The following RIOK2 variants were observed in gnomAD, a reference collection of about 807,000 sequenced individuals.
The protein encoded by RIOK2 is serine/threonine-protein kinase RIO2.
Under a neutral mutation model 62.4 loss-of-function variants are expected in RIOK2, and 46 were observed. That is an observed-to-expected ratio of 0.74 (90% CI 0.58 to 0.94). The LOEUF (loss-of-function observed/expected upper bound fraction) is 0.94, where lower values mean the gene tolerates loss of function less well. Ranked by LOEUF, RIOK2 falls within the 40% of genes least tolerant of loss-of-function variation. RIOK2 has a pLI of 0.00. For synonymous variants in RIOK2, 197 were observed against 216.0 expected (o/e 0.91, Z 0.77); for missense variants, 574 against 658.0 (o/e 0.87, Z 1.40).
At chr5:97,181,014 C>T (rs1416901205) in intron 1 of RIOK2, among the ~76,000 whole-genome samples, 4 of 152,024 alleles carry the variant, frequency 2.6e-5, no homozygotes, top group Non-Finnish European at 5.9e-5. Context: ...TGGCTCACAC[C>T]TGTAATCCCA....
rs1478552411 is a variant in RIOK2, at chr5:97,177,217, G to A, written c.397C>T (p.Arg133Ter). Residue 133 changes from arginine to a stop codon, truncating the protein, a stop_gained, in exon 4 of 10, where the codon CGA becomes TGA. Coordinates refer to ENST00000283109, the MANE Select transcript of RIOK2 (RefSeq NM_018343.3). LOFTEE classifies it high-confidence loss of function. ...KLHRLGRTSF[R>*]NLKNKRDYHK... ...TAATCGCGTTTGTTTTTCAAATTTC[G>A]AAACGAGGTTCTTCCTAGTCTGTGA... The A allele has an allele frequency of 3.7e-6, 6 of 1,613,382 alleles. No homozygotes were observed. Among genetic ancestry groups the A allele is most frequent in the African/African-American group, 2.7e-5 (2 of 74,878 alleles).
At position 97,167,755 on chromosome 5, in the gene RIOK2, G is replaced by A. The variant is rs1030769135; in HGVS notation, c.1109C>T (p.Ser370Phe). 7.4e-6 allele frequency: 12 copies of A among 1,614,142 alleles called. No individual in the cohort carries two copies. The highest frequency in any genetic ancestry group is 9.3e-6 in the Non-Finnish European group (11 of 1,180,014). Residue 370 changes from serine to phenylalanine, a missense_variant, in exon 8 of 10, where the codon TCT (serine) becomes TTT (phenylalanine). Physicochemically the swap from Ser to Phe is radical, Grantham distance 155. Coordinates refer to ENST00000283109, the MANE Select transcript of RIOK2 (RefSeq NM_018343.3). ...TTCCTTTATTTGTTCAGGGTCTCCA[G>A]ATGATCTGCAATAGCAGCCCTCTGA... ...EESEGCYCRS[S>F]GDPEQIKEDS... is the part of the protein sequence containing the mutation.
chr5:97,171,535 C>A, intron 5 of RIOK2, 138 bp from the exon 6 acceptor site: 1 of 466,158 alleles, frequency 2.1e-6, no homozygotes, highest in Non-Finnish European at 3.6e-6. Flanking sequence ...CATCAGCACA[C>A]AGATATAATA....
In RIOK2 at chr5:97,177,279, A is replaced by G; in HGVS notation, c.335T>C (p.Val112Ala). Residue 112 changes from valine (V) to alanine (A), a missense_variant, in exon 4 of 10, where the codon GTT becomes GCT. By Grantham distance (64) the Val-to-Ala change is moderately conservative. Transcript: ENST00000283109. The part of the protein sequence containing the change: ...GVGKESDIYI[V>A]ANEEGQQFAL... Reference sequence around the variant, plus strand: ...AAATTGTTGTCCTTCTTCATTTGCAACAATGTAAATATCTAGAGACAAAAT... The same window carrying G: ...AAATTGTTGTCCTTCTTCATTTGCAGCAATGTAAATATCTAGAGACAAAAT... 1 of 1,611,806 alleles carries G rather than the reference A, an allele frequency of 6.2e-7. No individual in the cohort carries two copies. The highest frequency in any genetic ancestry group is 8.5e-7 in the Non-Finnish European group (1 of 1,179,272).
Position 97,173,256 on chromosome 5 carries a change from T to C in RIOK2, c.506A>G (p.Tyr169Cys), listed in dbSNP as rs760559516. The change falls in exon 5 of 10, where the codon TAT (tyrosine) becomes TGT (cysteine). Residue 169 changes from tyrosine to cysteine, a missense_variant. Tyr to Cys is a radical substitution (Grantham distance 194). Transcript: ENST00000283109. ...CTTTGGAACTGGAAATTTCCTCTCA[T>C]ACAATGCCTAAAATGTTGCAAAACA... ...MKEFAYMKALYERKFPVPKPI... is the reference protein window; with the variant it reads ...MKEFAYMKALCERKFPVPKPI... 3.1e-6 allele frequency: 5 copies of C among 1,611,688 alleles called. No homozygotes were observed. In the Admixed American group the frequency reaches 6.7e-5, roughly 22 times the overall value.
rs201880466 is a variant in RIOK2, at chr5:97,163,148, T to A, written c.1572A>T (p.Gly524=). Residue 524 remains glycine, a synonymous_variant, in exon 10 of 10, where the codon GGA becomes GGT. Coordinates refer to ENST00000283109, the MANE Select transcript of RIOK2 (RefSeq NM_018343.3). ...KSAVRRRLQK[G]EANIFTKQRR... ...GTTGCTTGGTAAATATATTTGCTTC[T>A]CCTTTCTGCAATCGACGTCTGACAG... 2 of 1,613,724 alleles carry A rather than the reference T, an allele frequency of 1.2e-6. No individual in the cohort carries two copies. The highest frequency in any genetic ancestry group is 1.7e-5 in the Admixed American group (1 of 60,022).
intron 1 of RIOK2, among the ~76,000 whole-genome samples, chr5:97,182,205 T>C (rs1209696985): frequency 1.1e-4 from 17 of 152,234 alleles, no homozygotes; most frequent in Admixed American, 1.1e-3. Context: ...GTTACTCCCC[T>C]GATTAAAAAC....
chr5:97,167,692 A>C lies in RIOK2; in HGVS notation c.1172T>G (p.Phe391Cys). 1.2e-6 allele frequency: 2 copies of C among 1,614,212 alleles called. No individual in the cohort carries two copies. Among genetic ancestry groups the C allele is most frequent in the Non-Finnish European group, 1.7e-6 (2 of 1,180,030 alleles). The change falls in exon 8 of 10, where the codon TTT (phenylalanine) becomes TGT (cysteine). Residue 391 changes from phenylalanine (F) to cysteine (C), a missense_variant. Transcript: ENST00000283109. Reference protein sequence around the residue: ...LSEESADARSFEMTEFNQALE... With the variant: ...LSEESADARSCEMTEFNQALE... ...AGCTTGATTGAATTCAGTCATTTCA[A>C]AACTCCGTGCATCAGCACTCTCTTC...
chr5:97,168,889 T>A lies in RIOK2; in HGVS notation c.780-37A>T, dbSNP rs369824351. On this transcript the variant is annotated intron_variant, in intron 6 of 9. Transcript: ENST00000283109. Reference sequence around the variant, plus strand: ...AGAATCATTTATGATATAGTCTTTATTGCTCCTCTTTTTCCTTATTAGCCA... The same window carrying A: ...AGAATCATTTATGATATAGTCTTTAATGCTCCTCTTTTTCCTTATTAGCCA... 186 of 1,285,880 alleles carry A rather than the reference T, an allele frequency of 1.4e-4. No individual in the cohort carries two copies. In the African/African-American group the frequency reaches 2.6e-3, roughly 18 times the overall value. The allele number at this position is 1,285,880 out of a possible 1,614,324, so 79.7% of individuals were successfully genotyped here. A position where few individuals can be genotyped will look rare whatever the true frequency, so the allele number is the denominator to read the frequency against.
chr5:97,178,483 ATGCTCTTCTGCAGTGCTCTACC>A (rs1749235608), intron 2 of RIOK2, among the ~76,000 whole-genome samples: 2 of 147,678 alleles, frequency 1.4e-5, no homozygotes, highest in African/African-American at 2.5e-5. Flanking sequence ...CAGTACCTAC[ATGCTCTTCTGCAGTGCTCTACC>A]TGCTCTTCTG....
At chr5:97,168,085 G>T in intron 7 of RIOK2, 94 bp from the exon 8 acceptor site, 2 of 1,247,156 alleles carry the variant, frequency 1.6e-6, no homozygotes, top group Non-Finnish European at 2.2e-6. Context: ...TGATTCAAGT[G>T]AGTTTAATAG....
intron 1 of RIOK2, among the ~76,000 whole-genome samples, chr5:97,181,582 G>A (rs554661980): frequency 6.6e-6 from 1 of 152,280 alleles, no homozygotes; most frequent in African/African-American, 2.4e-5. Flanking sequence ...ATTCAACTGA[G>A]ACCGGAATGT....
intron 6 of RIOK2, 57 bp from the exon 7 acceptor site, chr5:97,168,909 T>C (rs2112829975): frequency 9.6e-7 from 1 of 1,046,054 alleles, no homozygotes; most frequent in Non-Finnish European, 1.4e-6. Flanking sequence ...TTTTCCTTAT[T>C]AGCCAATGAC....
At position 97,177,288 on chromosome 5, in the gene RIOK2, A is replaced by ATATCTAGAG; in HGVS notation, c.323-6_325dup (p.Asp108_Ile109insThrLeuAsp). The ATATCTAGAG allele has an allele frequency of 6.2e-7, 1 of 1,606,388 alleles. No homozygotes were observed. On this transcript the variant is annotated inframe_insertion, in exon 4 of 10. Coordinates refer to ENST00000283109, the MANE Select transcript of RIOK2 (RefSeq NM_018343.3). The stretch of plus-strand genomic sequence containing the variant: ...TCCTTCTTCATTTGCAACAATGTAA[A>ATATCTAGAG]TATCTAGAGACAAAATTTCAAAAAC...
intron 4 of RIOK2, among the ~76,000 whole-genome samples, chr5:97,174,405 G>A (rs958861911): frequency 3.6e-4 from 55 of 151,860 alleles, no homozygotes; most frequent in Non-Finnish European, 1.3e-4. Context: ...GGGTGATAGA[G>A]CAAGACTACA....
chr5:97,162,597 C>T lies in RIOK2; in HGVS notation c.*464G>A, dbSNP rs1748733852. On this transcript the variant is annotated 3_prime_UTR_variant, in exon 10 of 10. Transcript: ENST00000283109. ...CTTATCTTTACTTCCAAAGGCTTAT[C>T]TTTACTTCTAAAGAAAAATAAGACA... is the stretch of plus-strand genomic sequence containing the variant. 6.5e-6 allele frequency: 1 copy of T among 154,110 alleles called. No homozygotes were observed. The highest frequency in any genetic ancestry group is 2.4e-5 in the African/African-American group (1 of 41,416). The allele number at this position is 154,110 out of a possible 1,614,324, so 9.5% of individuals were successfully genotyped here. A position where few individuals can be genotyped will look rare whatever the true frequency, so the allele number is the denominator to read the frequency against.
In RIOK2 at chr5:97,173,161, T is replaced by A; in HGVS notation, c.587+14A>T. On this transcript the variant is annotated intron_variant, in intron 5 of 9. Coordinates refer to ENST00000283109, the MANE Select transcript of RIOK2 (RefSeq NM_018343.3). The stretch of plus-strand genomic sequence containing the variant: ...TTATCAGGATTCATGGCTTTAAGAA[T>A]AATGAATACTTACAGTGGATAACCA... 2.6e-6 allele frequency: 4 copies of A among 1,547,858 alleles called. No individual in the cohort carries two copies. Among genetic ancestry groups the A allele is most frequent in the Non-Finnish European group, 3.5e-6 (4 of 1,127,102 alleles).
intron 6 of RIOK2, among the ~76,000 whole-genome samples, 160 bp downstream of exon 6, chr5:97,171,046 A>G (rs1748989611): frequency 6.6e-6 from 1 of 152,064 alleles, no homozygotes; most frequent in African/African-American, 2.4e-5. Context: ...CTGTTATCCC[A>G]GCTCCTCGGG....
At chr5:97,181,462 G>A (rs566628567) in intron 1 of RIOK2, among the ~76,000 whole-genome samples, 62 of 152,196 alleles carry the variant, frequency 4.1e-4, no homozygotes, top group African/African-American at 1.4e-3. Context: ...TCTGGGGCAA[G>A]TTCATATTGA....
Sources: allele counts gnomAD v4.1 joint callset (sites outside exome capture counted in the v4.1 genomes callset), GRCh38; gene constraint gnomAD v4.1.1; transcripts MANE v1.5; gene names NCBI Gene and HGNC (gene_info 2026-07-23, HGNC 2026-07-21).